Variants in PZP observed in about 807,000 individuals in gnomAD.
PZP encodes the protein pregnancy zone protein.
In PZP, 150 loss-of-function variants were observed where a neutral mutation model predicts 179.8. That is an observed-to-expected ratio of 0.83 (90% CI 0.73 to 0.96). PZP has a LOEUF of 0.96. Ranked by LOEUF, PZP falls within the 40% of genes least tolerant of loss-of-function variation. The pLI is 0.00. For missense variants in PZP, 1,689 were observed against 1,764.0 expected (o/e 0.96, Z 0.76); for synonymous variants, 624 against 652.3 (o/e 0.96, Z 0.66).
At position 9,202,315 on chromosome 12, in the gene PZP, T is replaced by C. The variant is rs756963442; in HGVS notation, c.480+4A>G. The C allele has an allele frequency of 3.7e-6, 6 of 1,612,310 alleles. No individual in the cohort carries two copies. The highest frequency in any genetic ancestry group is 5.1e-6 in the Non-Finnish European group (6 of 1,178,308). ...AACCCAAACCACAGATAGTGGATGC[T>C]TACCAGTTCATTTCGAGGGCGAAAA... On this transcript the variant is annotated splice_donor_region_variant and intron_variant, in intron 4 of 35. Coordinates refer to ENST00000261336, the MANE Select transcript of PZP (RefSeq NM_002864.3).
chr12:9,199,328 A>T (rs995009712), intron 7 of PZP, among the ~76,000 whole-genome samples: 1 of 152,178 alleles, frequency 6.6e-6, no homozygotes, highest in Non-Finnish European at 1.5e-5. Context: ...CCATCGTATC[A>T]GCGCATCCTC....
intron 33 of PZP, among the ~76,000 whole-genome samples, chr12:9,151,244 A>G (rs1270988190): frequency 1.3e-5 from 2 of 152,198 alleles, no homozygotes; most frequent in Non-Finnish European, 2.9e-5. Context: ...TTAAAATAAC[A>G]GGAATGCATG....
At chr12:9,174,748 T>TA (rs1942247256) in intron 15 of PZP, among the ~76,000 whole-genome samples, 1 of 152,086 alleles carries the variant, frequency 6.6e-6, no homozygotes, top group South Asian at 2.1e-4. Flanking sequence ...GGAATACAGC[T>TA]AACAAGGGAA....
chr12:9,158,366 TG>T, intron 26 of PZP, 53 bp downstream of exon 26: 1 of 1,599,604 alleles, frequency 6.3e-7, no homozygotes, highest in Non-Finnish European at 8.6e-7. Context: ...CCTTCACCCC[TG>T]GGGGATGTTA....
intron 13 of PZP, among the ~76,000 whole-genome samples, chr12:9,183,412 T>TG (rs1453743569): frequency 6.6e-6 from 1 of 151,842 alleles, no homozygotes; most frequent in Non-Finnish European, 1.5e-5. Context: ...AATGTAATTT[T>TG]TTTTTGAGAC....
At chr12:9,160,922 T>TA in intron 23 of PZP, 111 bp downstream of exon 23, 1 of 791,514 alleles carries the variant, frequency 1.3e-6, no homozygotes, top group Non-Finnish European at 2.1e-6. Flanking sequence ...CTCAAAAAAA[T>TA]AAAAAAGAAT....
chr12:9,185,044 C>T (rs769620986), intron 13 of PZP, among the ~76,000 whole-genome samples: 1 of 152,330 alleles, frequency 6.6e-6, no homozygotes, highest in African/African-American at 2.4e-5. Context: ...CAAACAATCA[C>T]ACCAGTTCTC....
chr12:9,187,092 A>T, intron 13 of PZP, among the ~76,000 whole-genome samples: 1 of 151,756 alleles, frequency 6.6e-6, no homozygotes. Flanking sequence ...AAAAAAAAAA[A>T]AGACAAGAGA....
Position 9,148,983 on chromosome 12 carries a change from C to T in PZP, c.4438G>A (p.Gly1480Arg), listed in dbSNP as rs1438911496. The change falls in exon 36 of 36, where the codon GGA (glycine) becomes AGA (arginine). Residue 1480 changes from glycine to arginine, a missense_variant. By Grantham distance (125) the Gly-to-Arg change is moderately radical (BLOSUM62 -2). Coordinates refer to ENST00000261336, the MANE Select transcript of PZP (RefSeq NM_002864.3). ...AGCCTGTATGGTCCTCAAACATTTC[C>T]ATGCTCTGTATCTATGGAGAAAAGA... ...IAPCSTDTEHGNV is the reference protein window; with the variant it reads ...IAPCSTDTEHRNV 1 of 1,611,318 alleles carries T rather than the reference C, an allele frequency of 6.2e-7. No homozygotes were observed. Among genetic ancestry groups the T allele is most frequent in the South Asian group, 1.1e-5 (1 of 90,994 alleles).
intron 14 of PZP, 107 bp from the exon 15 acceptor site, chr12:9,181,239 TG>T: frequency 2.9e-6 from 4 of 1,380,936 alleles, no homozygotes; most frequent in Non-Finnish European, 4.0e-6. Context: ...ATGACTATGT[TG>T]GTAATGTCAG....
intron 32 of PZP, 116 bp from the exon 33 acceptor site, chr12:9,151,788 A>T: frequency 1.3e-6 from 1 of 772,712 alleles, no homozygotes. Context: ...GAAGAAAGCT[A>T]ATTGTTTTCA....
intron 5 of PZP, 25 bp downstream of exon 5, chr12:9,201,302 A>G (rs1944143610): frequency 1.3e-6 from 2 of 1,514,724 alleles, no homozygotes; most frequent in Non-Finnish European, 1.8e-6. Context: ...TAATTTCCTT[A>G]TAAGATACTT....
At chr12:9,160,073 G>A in intron 24 of PZP, 48 bp from the exon 25 acceptor site, 1 of 1,540,500 alleles carries the variant, frequency 6.5e-7, no homozygotes, top group South Asian at 1.1e-5. Context: ...AAGAAAGGCA[G>A]GCCATCCATA....
At chr12:9,168,791 C>T in intron 17 of PZP, 78 bp downstream of exon 17, 1 of 1,078,340 alleles carries the variant, frequency 9.3e-7, no homozygotes, top group Non-Finnish European at 1.4e-6. Context: ...AATAGGGCTA[C>T]ATTACCTCAT....
In PZP at chr12:9,154,710, G is replaced by T; in HGVS notation, c.3680C>A (p.Pro1227Gln). The change falls in exon 29 of 36, where the codon CCA becomes CAA. Residue 1227 changes from proline to glutamine, a missense_variant. By Grantham distance (76) the Pro-to-Gln change is moderately conservative. This residue lies in a region of PZP where 746 missense variants were observed against 749.2 expected (regional missense o/e 1.00). Coordinates refer to ENST00000261336, the MANE Select transcript of PZP (RefSeq NM_002864.3). Reference protein sequence around the residue: ...YVLLAYLTAQPAPTSGDLTSA... With the variant: ...YVLLAYLTAQQAPTSGDLTSA... ...GGTCAGGTCCCCTGAGGTGGGGGCT[G>T]GCTGGGCCGTGAGATAAGCGAGGAG... The T allele has an allele frequency of 1.2e-6, 2 of 1,614,140 alleles. No individual in the cohort carries two copies. Among genetic ancestry groups the T allele is most frequent in the Non-Finnish European group, 1.7e-6 (2 of 1,180,034 alleles).
chr12:9,158,709 CTT>C, intron 25 of PZP, 133 bp from the exon 26 acceptor site: 4 of 721,194 alleles, frequency 5.5e-6, no homozygotes, highest in Middle Eastern at 7.2e-4. Flanking sequence ...AGTTTGGAGA[CTT>C]TTTCTTTTTA....
chr12:9,201,766 C>T (rs1281364121), intron 4 of PZP, among the ~76,000 whole-genome samples: 7 of 151,874 alleles, frequency 4.6e-5, no homozygotes, highest in Admixed American at 2.0e-4. Flanking sequence ...GAAAGTAAAC[C>T]AAGAATATTT....
chr12:9,167,013 A>G (rs1019532621), intron 17 of PZP: 2 of 152,210 alleles, frequency 1.3e-5, no homozygotes, highest in Non-Finnish European at 2.9e-5. Context: ...ATTTCACCCT[A>G]ACAGTTTTCT....
chr12:9,192,366 A>G (rs12423745), intron 12 of PZP, 110 bp from the exon 13 acceptor site: 349,426 of 1,295,164 alleles, frequency 0.27, 49,935 homozygotes, highest in Admixed American at 0.41. Flanking sequence ...GAGAGAATCA[A>G]CCTCAAGAAA....
Sources: allele counts gnomAD v4.1 joint callset (sites outside exome capture counted in the v4.1 genomes callset), GRCh38; gene constraint gnomAD v4.1.1; regional missense constraint gnomAD v4.1.1; transcripts MANE v1.5; gene names NCBI Gene and HGNC (gene_info 2026-07-23, HGNC 2026-07-21).